CYP2C19: variants seen among roughly 807,000 people sequenced by gnomAD.
CYP2C19 encodes the protein cytochrome P450 family 2 subfamily C member 19, also known as cytochrome P450 2C19.
Under a neutral mutation model 40.9 loss-of-function variants are expected in CYP2C19, and 59 were observed. The observed-to-expected ratio is 1.44, with a 90% CI of 1.17 to 1.79. The LOEUF (loss-of-function observed/expected upper bound fraction) is 1.79, where lower values mean the gene tolerates loss of function less well. Ranked by LOEUF, CYP2C19 falls within the 40% of genes most tolerant of loss-of-function variation. The probability of loss-of-function intolerance (pLI) is 0.00; values close to 1 mark genes in which losing one functional copy is unlikely to be tolerated. For missense variants in CYP2C19, 754 were observed against 596.9 expected (o/e 1.26, Z -2.74); for synonymous variants, 253 against 208.7 (o/e 1.21, Z -1.83).
rs1589381386 is a variant in CYP2C19, at chr10:94,854,756, G to C, written c.*1842G>C. Among the ~76,000 whole-genome samples, 1 of 151,978 alleles carries C rather than the reference G, an allele frequency of 6.6e-6. No individual in the cohort carries two copies. Among genetic ancestry groups the C allele is most frequent in the Admixed American group, 6.6e-5 (1 of 15,236 alleles). On this transcript the variant is annotated 3_prime_UTR_variant, in exon 9 of 9. Coordinates refer to ENST00000371321, the MANE Select transcript of CYP2C19 (RefSeq NM_000769.4). The stretch of plus-strand genomic sequence containing the variant: ...ATATTGGGCTCATATCACACATCTT[G>C]TATTAAAACTTGCTATTTTCCTACC...
chr10:94,829,903 A>C (rs1403287771), intron 6 of CYP2C19, among the ~76,000 whole-genome samples: 2 of 152,074 alleles, frequency 1.3e-5, no homozygotes, highest in East Asian at 3.9e-4. Flanking sequence ...GGTCTGTTGG[A>C]ATAACCTGCC....
chr10:94,790,880 C>T (rs1186811494), intron 5 of CYP2C19, among the ~76,000 whole-genome samples: 1 of 152,110 alleles, frequency 6.6e-6, no homozygotes, highest in East Asian at 1.9e-4. Flanking sequence ...ATACTGGCCT[C>T]ACAAAATGAT....
At chr10:94,839,602 A>G (rs1170099794) in intron 6 of CYP2C19, among the ~76,000 whole-genome samples, 1 of 152,228 alleles carries the variant, frequency 6.6e-6, no homozygotes, top group African/African-American at 2.4e-5. Context: ...GGTGTATTGA[A>G]TCTTTTGAGT....
intron 7 of CYP2C19, among the ~76,000 whole-genome samples, chr10:94,848,849 G>A (rs1030677643): frequency 1.3e-5 from 2 of 152,184 alleles, no homozygotes; most frequent in South Asian, 4.1e-4. Flanking sequence ...ATTGTGAATG[G>A]AAGTTCACTC....
chr10:94,824,409 AG>A (rs1849178610), intron 6 of CYP2C19, among the ~76,000 whole-genome samples: 1 of 152,194 alleles, frequency 6.6e-6, no homozygotes, highest in East Asian at 1.9e-4. Context: ...ATGTATTTTC[AG>A]AAGAAGCTGC....
At chr10:94,828,270 G>A (rs1488024028) in intron 6 of CYP2C19, among the ~76,000 whole-genome samples, 4 of 151,110 alleles carry the variant, frequency 2.6e-5, no homozygotes, top group Non-Finnish European at 4.4e-5. Context: ...GGGTGTTAAA[G>A]TCTCCCATTA....
intron 1 of CYP2C19, among the ~76,000 whole-genome samples, chr10:94,768,648 A>T (rs780869272): frequency 4.1e-4 from 63 of 152,142 alleles, no homozygotes; most frequent in Non-Finnish European, 8.5e-4. Context: ...TATTATTTTG[A>T]TAGCCTCTGA....
At chr10:94,842,665 C>T (rs1849513426) in intron 6 of CYP2C19, among the ~76,000 whole-genome samples, 172 bp from the exon 7 acceptor site, 1 of 152,082 alleles carries the variant, frequency 6.6e-6, no homozygotes, top group South Asian at 2.1e-4. Flanking sequence ...CACAGTTACA[C>T]ATTTGTGCAT....
chr10:94,798,571 G>C (rs902768752), intron 5 of CYP2C19, among the ~76,000 whole-genome samples: 5 of 152,028 alleles, frequency 3.3e-5, no homozygotes, highest in Admixed American at 6.6e-5. Flanking sequence ...TCATTGATCT[G>C]TTTAACATTG....
chr10:94,774,337 C>G (rs1041772068), intron 1 of CYP2C19: 4 of 152,084 alleles, frequency 2.6e-5, no homozygotes, highest in Non-Finnish European at 5.9e-5. Flanking sequence ...GATTTTAGAT[C>G]AGTTTGGCAC....
At chr10:94,839,997 TTTG>T (rs2134284408) in intron 6 of CYP2C19, among the ~76,000 whole-genome samples, 1 of 152,296 alleles carries the variant, frequency 6.6e-6, no homozygotes, top group African/African-American at 2.4e-5. Context: ...TTTATTTTTT[TTTG>T]ACTAAGAATA....
chr10:94,852,691 T>A (rs763434534), intron 8 of CYP2C19, 42 bp from the exon 9 acceptor site: 29 of 1,596,136 alleles, frequency 1.8e-5, no homozygotes, highest in Non-Finnish European at 2.4e-5. Context: ...CTCTCACAGT[T>A]ACACATGAGG....
intron 5 of CYP2C19, among the ~76,000 whole-genome samples, chr10:94,805,841 G>T (rs779540038): frequency 6.6e-6 from 1 of 152,140 alleles, no homozygotes; most frequent in Admixed American, 6.5e-5. Context: ...TTATAAAGTT[G>T]GCCTATCACA....
Position 94,852,940 on chromosome 10 carries a change from C to CTG in CYP2C19, c.*29_*30dup. ...AGAAGCACAGATGGTCTGGCTGCTC[C>CTG]TGTGCTGTCCCTGCAGCTCTCTTTC... is the stretch of plus-strand genomic sequence containing the variant. On this transcript the variant is annotated 3_prime_UTR_variant, in exon 9 of 9. Transcript: ENST00000371321. The CTG allele has an allele frequency of 6.2e-7, 1 of 1,612,656 alleles. No homozygotes were observed. The highest frequency in any genetic ancestry group is 8.5e-7 in the Non-Finnish European group (1 of 1,178,926).
intron 5 of CYP2C19, among the ~76,000 whole-genome samples, chr10:94,819,190 A>C (rs2134267146): frequency 7.0e-6 from 1 of 143,434 alleles, no homozygotes; most frequent in East Asian, 2.1e-4. Context: ...TTTGAAACCA[A>C]CGAGAACAAA....
intron 5 of CYP2C19, among the ~76,000 whole-genome samples, chr10:94,786,622 A>G (rs1848544208): frequency 6.6e-6 from 1 of 152,120 alleles, no homozygotes; most frequent in Non-Finnish European, 1.5e-5. Flanking sequence ...TTAGGGTACA[A>G]ATAATTTCAT....
intron 6 of CYP2C19, among the ~76,000 whole-genome samples, chr10:94,841,065 A>G (rs917217424): frequency 2.0e-5 from 3 of 152,104 alleles, no homozygotes; most frequent in African/African-American, 7.2e-5. Context: ...CACTTCCAAG[A>G]TGGTGGTGGG....
In CYP2C19 at chr10:94,780,634, G is replaced by T; in HGVS notation, c.617G>T (p.Arg206Met). Reference protein sequence around the residue: ...NLMEKLNENIRIVSTPWIQIC... With the variant: ...NLMEKLNENIMIVSTPWIQIC... Reference sequence around the variant, plus strand: ...ATGGAAAAATTGAATGAAAACATCAGGATTGTAAGCACCCCCTGGATCCAG... The same window carrying T: ...ATGGAAAAATTGAATGAAAACATCATGATTGTAAGCACCCCCTGGATCCAG... The change falls in exon 4 of 9, where the codon AGG (arginine) becomes ATG (methionine). Residue 206 changes from arginine to methionine, a missense_variant. Physicochemically the swap from Arg to Met is moderately conservative, Grantham distance 91. Coordinates refer to ENST00000371321, the MANE Select transcript of CYP2C19 (RefSeq NM_000769.4). 6 of 1,613,704 alleles carry T rather than the reference G, an allele frequency of 3.7e-6. No individual in the cohort carries two copies. Among genetic ancestry groups the T allele is most frequent in the Non-Finnish European group, 5.1e-6 (6 of 1,179,844 alleles).
chr10:94,837,116 T>A (rs1433031375), intron 6 of CYP2C19, among the ~76,000 whole-genome samples: 2 of 152,142 alleles, frequency 1.3e-5, no homozygotes, highest in Non-Finnish European at 2.9e-5. Flanking sequence ...AAGCAGAGTA[T>A]AAGGGCTGGG....
Sources: allele counts gnomAD v4.1 joint callset (sites outside exome capture counted in the v4.1 genomes callset), GRCh38; gene constraint gnomAD v4.1.1; transcripts MANE v1.5; gene names NCBI Gene and HGNC (gene_info 2026-07-23, HGNC 2026-07-21).